The following GET1 variants were observed in gnomAD, a reference collection of about 807,000 sequenced individuals.
GET1 encodes congenital heart disease 5 protein.
Under a neutral mutation model 22.6 loss-of-function variants are expected in GET1, and 20 were observed. The ratio of observed to expected loss-of-function variants is 0.89; its 90% CI spans 0.62 to 1.29. The LOEUF is 1.29. GET1 is among the 50% of genes most tolerant of loss of function. The pLI is 0.00. For missense variants in GET1, 209 were observed against 219.9 expected (o/e 0.95, Z 0.31); for synonymous variants, 92 against 83.8 (o/e 1.10, Z -0.53).
chr21:39,428,377 T>C, exon 2 of GET1: 1 of 1,613,572 alleles, frequency 6.2e-7, no homozygotes, highest in Non-Finnish European at 8.5e-7. Flanking sequence ...TACTGTTCCG[T>C]GAAAAATCGC....
At chr21:39,404,069 A>G (rs1036508775) in intron 4 of GET1, among the ~76,000 whole-genome samples, 11 of 152,190 alleles carry the variant, frequency 7.2e-5, no homozygotes, top group Admixed American at 2.6e-4. Context: ...ATTACAGTTA[A>G]TATTACACAC....
chr21:39,395,575 G>C lies in GET1; in HGVS notation c.452-1291G>C, dbSNP rs559239420. ...GACAGGGTTTCACCATGTTGGCCAG[G>C]CTGGTCTTGAACTCTTGACCTCAGG... is the stretch of plus-strand genomic sequence containing the variant. On this transcript the variant is annotated intron_variant, in intron 4 of 4. Transcript: ENST00000649170. 4.6e-5 allele frequency among the ~76,000 whole-genome samples: 7 copies of C among 152,122 alleles called. No individual in the cohort carries two copies. In the South Asian group the frequency reaches 1.2e-3, roughly 27 times the overall value.
downstream of GET1, chr21:39,411,035 A>G: frequency 2.3e-6 from 1 of 429,974 alleles, no homozygotes; most frequent in South Asian, 1.7e-5. Context: ...GACCTCACCA[A>G]TGAGAGGTAT....
intron 1 of GET1, chr21:39,423,015 AATAG>A: frequency 1.2e-6 from 2 of 1,614,058 alleles, no homozygotes; most frequent in Non-Finnish European, 1.7e-6. Context: ...TTGTTGTGAT[AATAG>A]ATAATTTATG....
chr21:39,405,922 G>T, exon 5 of GET1: 1 of 1,607,226 alleles, frequency 6.2e-7, no homozygotes, highest in South Asian at 1.1e-5. Flanking sequence ...AGGTGACGAT[G>T]GCTTAATAGA....
chr21:39,407,887 C>T (rs1282570505), downstream of GET1: 3 of 152,246 alleles, frequency 2.0e-5, no homozygotes, highest in African/African-American at 7.2e-5. Flanking sequence ...TCAGTTTCCA[C>T]CAAACTGCAA....
At chr21:39,405,823 A>G in intron 4 of GET1, 1 of 1,277,910 alleles carries the variant, frequency 7.8e-7, no homozygotes, top group Non-Finnish European at 1.1e-6. Flanking sequence ...CAAAAATAAG[A>G]TGCAAGGCAC....
exon 5 of GET1, chr21:39,406,143 T>C: frequency 6.2e-7 from 1 of 1,614,260 alleles, no homozygotes; most frequent in East Asian, 2.2e-5. Flanking sequence ...CCTTCACTTT[T>C]ATTCTGGAAG....
At chr21:39,419,582 A>C (rs957661094) in intron 1 of GET1, among the ~76,000 whole-genome samples, 4 of 151,834 alleles carry the variant, frequency 2.6e-5, no homozygotes, top group African/African-American at 9.7e-5. Context: ...ATAGTGCTAA[A>C]TTTCTTATGT....
intron 1 of GET1, among the ~76,000 whole-genome samples, chr21:39,424,309 C>T (rs1169561571): frequency 2.0e-5 from 3 of 152,086 alleles, no homozygotes; most frequent in African/African-American, 4.8e-5. Context: ...CCATTGTGCC[C>T]GGCCTCTACA....
chr21:39,404,170 G>C (rs1463338168), intron 4 of GET1, among the ~76,000 whole-genome samples: 1 of 152,212 alleles, frequency 6.6e-6, no homozygotes, highest in Non-Finnish European at 1.5e-5. Context: ...TAAATAAAGT[G>C]AGGCTGGGAG....
downstream of GET1, chr21:39,407,648 G>A (rs1361971479): frequency 6.6e-6 from 1 of 152,172 alleles, no homozygotes; most frequent in Non-Finnish European, 1.5e-5. Flanking sequence ...AACTGATGGG[G>A]AAGGATGTTC....
At chr21:39,396,077 A>T (rs918592892) in intron 4 of GET1, among the ~76,000 whole-genome samples, 4 of 152,206 alleles carry the variant, frequency 2.6e-5, no homozygotes, top group Non-Finnish European at 2.9e-5. Flanking sequence ...TTAGTAAAGA[A>T]TACAGCCCTA....
intron 1 of GET1, chr21:39,423,584 C>A: frequency 2.0e-6 from 2 of 989,544 alleles, no homozygotes; most frequent in South Asian, 3.6e-5. Flanking sequence ...CCCCCATGCA[C>A]ACACACCACA....
rs575978550 is a variant in GET1, at chr21:39,403,839, C to T, written c.350-2075C>T. ...GTTTCACCAAATTGGTCAGGCTGGT[C>T]TCGAACTCCCGACCTCAGGTGATCG... On this transcript the variant is annotated intron_variant, in intron 4 of 4. Coordinates refer to the GET1 transcript ENST00000415847. Among the ~76,000 whole-genome samples the T allele has an allele frequency of 9.9e-5, 15 of 151,902 alleles. No individual in the cohort carries two copies. In the South Asian group the frequency reaches 3.1e-3, roughly 32 times the overall value.
At chr21:39,412,896 C>T (rs1044241965) in intron 1 of GET1, among the ~76,000 whole-genome samples, 2 of 152,204 alleles carry the variant, frequency 1.3e-5, no homozygotes, top group Non-Finnish European at 2.9e-5. Flanking sequence ...GCTTCCCTTA[C>T]CCTTGCAACC....
Position 39,397,156 on chromosome 21 carries a change from G to A in GET1, c.*217G>A, listed in dbSNP as rs182083074. 4.0e-4 allele frequency: 234 copies of A among 582,312 alleles called. 1 individual carries two copies. Among genetic ancestry groups the A allele is most frequent in the Admixed American group, 9.0e-4 (29 of 32,300 alleles). 36.1% of individuals were successfully genotyped at this position (582,312 alleles called of 1,614,324 possible). A position where few individuals can be genotyped will look rare whatever the true frequency, so the allele number is the denominator to read the frequency against. On this transcript the variant is annotated 3_prime_UTR_variant, in exon 5 of 5. Transcript: ENST00000649170. Reference sequence around the variant, plus strand: ...GCCAAGAAAGTCCAGTTTATGACACGTATGTACTAGTGAACACCGTCCTCG... The same window carrying A: ...GCCAAGAAAGTCCAGTTTATGACACATATGTACTAGTGAACACCGTCCTCG...
rs142610778 is a variant in GET1 at position 39,405,382 on chromosome 21, C to T, written c.350-532C>T. ...CTAATTCTTATAATTTTTGTAGAGA[C>T]GGGGTTGTACCATGTTGGCCAGGCT... On this transcript the variant is annotated intron_variant, in intron 4 of 4. Transcript: ENST00000415847. Among the ~76,000 whole-genome samples the T allele has an allele frequency of 2.0e-4, 30 of 152,002 alleles. No individual in the cohort carries two copies. In the East Asian group the frequency reaches 2.5e-3, roughly 13 times the overall value.
intron 1 of GET1, among the ~76,000 whole-genome samples, chr21:39,412,420 A>G (rs2040247997): frequency 6.6e-6 from 1 of 152,250 alleles, no homozygotes; most frequent in Non-Finnish European, 1.5e-5. Context: ...TTGTTGAGGA[A>G]CAAAGAAAGG....
Sources: gnomAD v4.1 joint callset for allele counts (sites outside exome capture counted in the v4.1 genomes callset) on GRCh38, gnomAD v4.1.1 for gene constraint, MANE v1.5 for transcripts, NCBI Gene and HGNC (gene_info 2026-07-23, HGNC 2026-07-21) for gene names.